The following ZNF613 variants were observed in gnomAD, a reference collection of about 807,000 sequenced individuals.
ZNF613 encodes zinc finger protein 613.
ZNF613 carries 8 observed loss-of-function variants against 14.3 expected under a neutral mutation model. The observed-to-expected ratio is 0.56, with a 90% CI of 0.33 to 1.01. The LOEUF is 1.01. ZNF613 is among the 50% of genes least tolerant of loss of function. The pLI is 0.03. For synonymous variants in ZNF613, 228 were observed against 254.5 expected (o/e 0.90, Z 0.99); for missense variants, 656 against 741.9 (o/e 0.88, Z 1.35).
rs1199510862 is a variant in ZNF613 at position 51,936,067 on chromosome 19, A to G, written c.-154A>G. On this transcript the variant is annotated 5_prime_UTR_variant, in exon 3 of 6. Coordinates refer to ENST00000293471, the MANE Select transcript of ZNF613 (RefSeq NM_001031721.4). ...CTTCAGGAGCAAGACACTTCAAGTG[A>G]GGTGAGGAGGAGGTTCCAGGACCTG... The G allele has an allele frequency of 4.0e-5, 26 of 647,306 alleles. No individual in the cohort carries two copies. The South Asian group carries it at 4.2e-4, about 11-fold the overall frequency. 40.1% of individuals were successfully genotyped at this position (647,306 alleles called of 1,614,324 possible).
Position 51,945,268 on chromosome 19 carries a change from G to GA in ZNF613, c.1389dup (p.Ser464IlefsTer10). 6.2e-7 allele frequency: 1 copy of GA among 1,613,966 alleles called. No individual in the cohort carries two copies. The highest frequency in any genetic ancestry group is 2.2e-5 in the East Asian group (1 of 44,864). On this transcript the variant is annotated frameshift_variant, in exon 6 of 6. Transcript: ENST00000293471. LOFTEE classifies it low-confidence loss of function (END_TRUNC). ...ACACCCTTTGTATGTACTGAGTGTGGAAAATCCTGCTCACACAAGTCAGGT... is the reference window on the plus strand; with the variant it reads ...ACACCCTTTGTATGTACTGAGTGTGGAAAAATCCTGCTCACACAAGTCAGGT...
intron 3 of ZNF613, among the ~76,000 whole-genome samples, chr19:51,936,547 G>T (rs1406623942): frequency 2.0e-5 from 3 of 152,134 alleles, no homozygotes; most frequent in Non-Finnish European, 4.4e-5. Context: ...GGAGTGCAGT[G>T]GTGCAATCTT....
intron 1 of ZNF613, among the ~76,000 whole-genome samples, chr19:51,928,369 G>C (rs996490506): frequency 6.6e-6 from 1 of 152,224 alleles, no homozygotes; most frequent in Non-Finnish European, 1.5e-5. Flanking sequence ...GGAGAAGCTT[G>C]TGAAGGCTGA....
At chr19:51,940,158 C>CCA (rs1317296569) in intron 3 of ZNF613, 51 bp from the exon 4 acceptor site, 2 of 1,597,106 alleles carry the variant, frequency 1.3e-6, no homozygotes, top group African/African-American at 2.7e-5. Flanking sequence ...CACATTTCTT[C>CCA]CATATAAATG....
intron 5 of ZNF613, among the ~76,000 whole-genome samples, chr19:51,941,946 T>C (rs1457747420): frequency 6.6e-6 from 1 of 152,260 alleles, no homozygotes; most frequent in Non-Finnish European, 1.5e-5. Flanking sequence ...TTCTGCCTAT[T>C]ATTTAGTTTC....
Position 51,940,606 on chromosome 19 carries a change from C to T in ZNF613, c.143-11C>T. 1 of 1,608,618 alleles carries T rather than the reference C, an allele frequency of 6.2e-7. No homozygotes were observed. The highest frequency in any genetic ancestry group is 8.5e-7 in the Non-Finnish European group (1 of 1,177,152). ...AATGAGCCTAAGTTGTGTATCATTTCCTATGAACAGGGTATCAAGCCAGCA... is the reference window on the plus strand; with the variant it reads ...AATGAGCCTAAGTTGTGTATCATTTTCTATGAACAGGGTATCAAGCCAGCA... On this transcript the variant is annotated splice_polypyrimidine_tract_variant and intron_variant, in intron 4 of 5. Transcript: ENST00000293471.
intron 5 of ZNF613, 39 bp from the exon 6 acceptor site, chr19:51,944,080 C>T: frequency 6.7e-7 from 1 of 1,490,690 alleles, no homozygotes; most frequent in Non-Finnish European, 8.9e-7. Context: ...AGTTCTATTC[C>T]ATGCTCATGG....
chr19:51,945,644 C>T lies in ZNF613; in HGVS notation c.1761C>T (p.Asn587=). The change falls in exon 6 of 6, where the codon AAC becomes AAT. Residue 587 remains asparagine, a synonymous_variant. Transcript: ENST00000293471. ...TGGCAGCTCAGACCTCATTAACTAA[C>T]AGTGCGTTCCAAGCAGAGAGCAAAG... is the stretch of plus-strand genomic sequence containing the variant. ...PSVAAQTSLT[N]SAFQAESKVA... 1 of 1,614,126 alleles carries T rather than the reference C, an allele frequency of 6.2e-7. No homozygotes were observed. The highest frequency in any genetic ancestry group is 8.5e-7 in the Non-Finnish European group (1 of 1,180,024).
rs376311627 is a variant in ZNF613, at chr19:51,945,744, T to C, written c.*7T>C. On this transcript the variant is annotated 3_prime_UTR_variant, in exon 6 of 6. Transcript: ENST00000293471. ...TAGAATTTGCACAGAATAAAAACCA[T>C]ATGAATGCAGTGAATGTGGTAGTGC... is the stretch of plus-strand genomic sequence containing the variant. 6.2e-7 allele frequency: 1 copy of C among 1,613,750 alleles called. No individual in the cohort carries two copies. Among genetic ancestry groups the C allele is most frequent in the Admixed American group, 1.7e-5 (1 of 59,988 alleles).
At chr19:51,936,760 C>T (rs1287243147) in intron 3 of ZNF613, among the ~76,000 whole-genome samples, 1 of 152,180 alleles carries the variant, frequency 6.6e-6, no homozygotes. Context: ...TCTGGGACTA[C>T]AGTTGTGAGC....
intron 1 of ZNF613, among the ~76,000 whole-genome samples, chr19:51,928,968 G>T (rs1204525886): frequency 6.6e-6 from 1 of 152,144 alleles, no homozygotes; most frequent in East Asian, 1.9e-4. Context: ...TTTACTGTGT[G>T]AATGTGTGTA....
intron 1 of ZNF613, chr19:51,927,863 T>G (rs1205661769): frequency 2.0e-5 from 3 of 152,116 alleles, no homozygotes; most frequent in African/African-American, 4.8e-5. Flanking sequence ...TTATTTTTTA[T>G]TTTTGAGACA....
intron 1 of ZNF613, among the ~76,000 whole-genome samples, chr19:51,929,333 C>T (rs940034311): frequency 6.6e-6 from 1 of 152,092 alleles, no homozygotes; most frequent in Admixed American, 6.5e-5. Context: ...TTAAAAAGTT[C>T]ACTTATCACT....
chr19:51,945,173 C>T lies in ZNF613; in HGVS notation c.1290C>T (p.Cys430=), dbSNP rs2085387652. The change falls in exon 6 of 6, where the codon TGC becomes TGT. Residue 430 remains cysteine, a synonymous_variant. Coordinates refer to ENST00000293471, the MANE Select transcript of ZNF613 (RefSeq NM_001031721.4). ...RTHTGEKPYV[C]NECGKGFSQK... ...ACACTGGAGAGAAACCCTATGTATG[C>T]AATGAATGTGGGAAAGGCTTCAGCC... 4 of 1,614,058 alleles carry T rather than the reference C, an allele frequency of 2.5e-6. No individual in the cohort carries two copies. The South Asian group carries it at 4.4e-5, about 18-fold the overall frequency.
intron 1 of ZNF613, among the ~76,000 whole-genome samples, chr19:51,928,700 C>G (rs2085237828): frequency 6.6e-6 from 1 of 151,686 alleles, no homozygotes; most frequent in African/African-American, 2.4e-5. Context: ...CCAAAAAATA[C>G]AAATATTAAC....
At position 51,945,485 on chromosome 19, in the gene ZNF613, G is replaced by A; in HGVS notation, c.1602G>A (p.Leu534=). Reference sequence around the variant, plus strand: ...GCCTTGTTTATCATAAGGGAATGCTGCATGCAAGAGAGAAATGTGTAGGTT... The same window carrying A: ...GCCTTGTTTATCATAAGGGAATGCTACATGCAAGAGAGAAATGTGTAGGTT... The part of the protein sequence containing the change: ...LSCLVYHKGM[L]HAREKCVGSV... The change falls in exon 6 of 6, where the codon CTG becomes CTA. Residue 534 remains leucine (L), a synonymous_variant. Coordinates refer to ENST00000293471, the MANE Select transcript of ZNF613 (RefSeq NM_001031721.4). 2 of 1,614,168 alleles carry A rather than the reference G, an allele frequency of 1.2e-6. No individual in the cohort carries two copies. Among genetic ancestry groups the A allele is most frequent in the South Asian group, 1.1e-5 (1 of 91,086 alleles).
At chr19:51,933,600 C>T (rs1173435207) in intron 2 of ZNF613, among the ~76,000 whole-genome samples, 2 of 151,830 alleles carry the variant, frequency 1.3e-5, no homozygotes, top group East Asian at 2.0e-4. Context: ...TGAGCCACTG[C>T]ACTCAGCTAA....
At position 51,944,458 on chromosome 19, in the gene ZNF613, T is replaced by C. The variant is rs781277745; in HGVS notation, c.575T>C (p.Ile192Thr). ...TCTGTGAATACAAATTCACAATTCATTAAGCATCAGCGAACTCAAAACATA... is the reference window on the plus strand; with the variant it reads ...TCTGTGAATACAAATTCACAATTCACTAAGCATCAGCGAACTCAAAACATA... ...GNSVNTNSQF[I>T]KHQRTQNIDK... The change falls in exon 6 of 6, where the codon ATT becomes ACT. Residue 192 changes from isoleucine to threonine, a missense_variant. Coordinates refer to ENST00000293471, the MANE Select transcript of ZNF613 (RefSeq NM_001031721.4). 6.2e-7 allele frequency: 1 copy of C among 1,603,794 alleles called. No individual in the cohort carries two copies. Among genetic ancestry groups the C allele is most frequent in the African/African-American group, 1.3e-5 (1 of 74,676 alleles).
Position 51,945,352 on chromosome 19 carries a change from G to A in ZNF613, c.1469G>A (p.Gly490Glu). 1 of 1,613,974 alleles carries A rather than the reference G, an allele frequency of 6.2e-7. No individual in the cohort carries two copies. The highest frequency in any genetic ancestry group is 8.5e-7 in the Non-Finnish European group (1 of 1,179,970). ...AAACCCTATACATGCAGTGACTGTG[G>A]GAAAGCTTTCAGAGATAAATCATGT... is the stretch of plus-strand genomic sequence containing the variant. ...GEKPYTCSDC[G>E]KAFRDKSCLN... The change falls in exon 6 of 6, where the codon GGG becomes GAG. Residue 490 changes from glycine to glutamate, a missense_variant. Coordinates refer to ENST00000293471, the MANE Select transcript of ZNF613 (RefSeq NM_001031721.4).
Sources: allele counts gnomAD v4.1 joint callset (sites outside exome capture counted in the v4.1 genomes callset), GRCh38; gene constraint gnomAD v4.1.1; transcripts MANE v1.5; gene names NCBI Gene and HGNC (gene_info 2026-07-23, HGNC 2026-07-21).